Variants in TENM2 observed in about 807,000 individuals in gnomAD.
The protein encoded by TENM2 is teneurin-2.
In TENM2, 52 loss-of-function variants were observed where a neutral mutation model predicts 245.2. The observed-to-expected ratio is 0.21, with a 90% CI of 0.17 to 0.27. TENM2 has a LOEUF of 0.27. Ranked by LOEUF, TENM2 falls within the 10% of genes least tolerant of loss-of-function variation. The probability of loss-of-function intolerance (pLI) is 1.00; values close to 1 mark genes in which losing one functional copy is unlikely to be tolerated. For missense variants in TENM2, 3,046 were observed against 3,666.8 expected (o/e 0.83, Z 4.37); for synonymous variants, 1,363 against 1,438.9 (o/e 0.95, Z 1.19).
intron 2 of TENM2, among the ~76,000 whole-genome samples, chr5:167,448,390 C>G (rs1010995113): frequency 1.6e-4 from 24 of 151,702 alleles, no homozygotes; most frequent in African/African-American, 2.4e-5. Flanking sequence ...AAGCAATAAG[C>G]GTCTGTCTGT....
At chr5:167,609,531 G>GT (rs1167363034) in intron 2 of TENM2, among the ~76,000 whole-genome samples, 1 of 128,196 alleles carries the variant, frequency 7.8e-6, no homozygotes, top group Non-Finnish European at 1.6e-5. Context: ...TACCTAGAAG[G>GT]TTTTTTAGAA....
chr5:167,871,814 C>A (rs1772851285), intron 2 of TENM2, among the ~76,000 whole-genome samples: 1 of 152,120 alleles, frequency 6.6e-6, no homozygotes, highest in Non-Finnish European at 1.5e-5. Flanking sequence ...GTTACCTGCC[C>A]ATGCCACACT....
chr5:167,844,321 A>G (rs1057345638), intron 2 of TENM2, among the ~76,000 whole-genome samples: 3 of 152,244 alleles, frequency 2.0e-5, no homozygotes, highest in African/African-American at 7.2e-5. Context: ...AAAAATGGCA[A>G]TCAGCACCAA....
the TENM2 span, among the ~76,000 whole-genome samples, chr5:167,249,180 C>A: frequency 3.3e-5 from 5 of 152,172 alleles, no homozygotes; most frequent in Non-Finnish European, 5.9e-5. Context: ...AAATATATAG[C>A]CCCTTCATCC....
At chr5:168,231,232 C>CAAAG (rs1764865069) in intron 25 of TENM2, among the ~76,000 whole-genome samples, 1 of 150,972 alleles carries the variant, frequency 6.6e-6, no homozygotes, top group African/African-American at 2.4e-5. Flanking sequence ...AGAAGATGAA[C>CAAAG]AAAGACTTGG....
chr5:167,612,386 C>T (rs1057100002), intron 2 of TENM2, among the ~76,000 whole-genome samples: 4 of 151,944 alleles, frequency 2.6e-5, no homozygotes, highest in African/African-American at 7.3e-5. Flanking sequence ...ATTTAATTTT[C>T]GTAAGTTACA....
chr5:167,269,182 C>G, the TENM2 span, among the ~76,000 whole-genome samples: 1 of 152,000 alleles, frequency 6.6e-6, no homozygotes, highest in Admixed American at 6.6e-5. Context: ...TAACAACAGA[C>G]CTGAAAGATA....
At chr5:168,246,660 G>T in intron 26 of TENM2, 97 bp from the exon 29 acceptor site, 1 of 1,201,744 alleles carries the variant, frequency 8.3e-7, no homozygotes, top group South Asian at 1.4e-5. Context: ...CATGACTTTT[G>T]AGTTGACATT....
chr5:168,035,103 A>G (rs1257057074), intron 5 of TENM2, among the ~76,000 whole-genome samples: 1 of 152,254 alleles, frequency 6.6e-6, no homozygotes, highest in African/African-American at 2.4e-5. Flanking sequence ...TTACTGTCTC[A>G]TTAAAGATTT....
the TENM2 span, among the ~76,000 whole-genome samples, chr5:167,097,264 A>G: frequency 6.6e-6 from 1 of 152,080 alleles, no homozygotes; most frequent in African/African-American, 2.4e-5. Context: ...AAAATTCAGG[A>G]TGTTATTTAC....
At chr5:167,883,843 C>T (rs1336597594) in intron 3 of TENM2, among the ~76,000 whole-genome samples, 1 of 152,206 alleles carries the variant, frequency 6.6e-6, no homozygotes, top group Non-Finnish European at 1.5e-5. Flanking sequence ...TGTCCCCAGT[C>T]CCTTGTTAGG....
chr5:167,651,024 G>A (rs1028595717), intron 2 of TENM2, among the ~76,000 whole-genome samples: 3 of 152,008 alleles, frequency 2.0e-5, no homozygotes, highest in Admixed American at 6.6e-5. Context: ...GAGGAGAACA[G>A]GAACCAATAT....
chr5:167,159,530 T>A, the TENM2 span, among the ~76,000 whole-genome samples: 385 of 152,234 alleles, frequency 2.5e-3, 1 homozygote, highest in African/African-American at 8.9e-3. Context: ...TTAGCTAGAT[T>A]TAAGCATTTC....
chr5:167,855,486 G>A (rs565367393), intron 2 of TENM2, among the ~76,000 whole-genome samples: 2 of 151,838 alleles, frequency 1.3e-5, no homozygotes. Context: ...TTAATTTGCT[G>A]TTGTTTTTGC....
At chr5:167,013,379 C>T in the TENM2 span, among the ~76,000 whole-genome samples, 41 of 152,288 alleles carry the variant, frequency 2.7e-4, no homozygotes, top group East Asian at 7.7e-3. Flanking sequence ...CATACCTTTT[C>T]CACCTTTTCT....
chr5:167,795,634 A>G (rs895123278), intron 2 of TENM2, among the ~76,000 whole-genome samples: 2 of 152,320 alleles, frequency 1.3e-5, no homozygotes, highest in Admixed American at 6.5e-5. Flanking sequence ...AGAAGCCACA[A>G]GAAGCACCAG....
chr5:168,178,375 GCAAGCATTTGGGGAAATCAGAGGC>G (rs1456465101), intron 13 of TENM2, among the ~76,000 whole-genome samples: 1 of 152,188 alleles, frequency 6.6e-6, no homozygotes, highest in Non-Finnish European at 1.5e-5. Flanking sequence ...CAGGCAGAGG[GCAAGCATTTGGGGAAATCAGAGGC>G]CAAGAGCAGA....
intron 2 of TENM2, among the ~76,000 whole-genome samples, chr5:167,683,562 A>T (rs904378913): frequency 2.6e-5 from 4 of 152,216 alleles, no homozygotes; most frequent in African/African-American, 9.6e-5. Context: ...GGGAGAATAA[A>T]CATAGGCAGC....
chr5:168,120,126 A>G lies in TENM2; in HGVS notation c.2008+1640A>G, dbSNP rs1795367282. Among the ~76,000 whole-genome samples the G allele has an allele frequency of 2.6e-5, 4 of 152,310 alleles. No homozygotes were observed. The South Asian group carries it at 8.3e-4, about 32-fold the overall frequency. On this transcript the variant is annotated intron_variant, in intron 10 of 28. Coordinates refer to ENST00000518659, the Ensembl canonical transcript of TENM2. ...CATCGTTTTTAGAACTATGGCTACCAAAAGTCAGCTTCCATAACATTATTC... is the reference window on the plus strand; with the variant it reads ...CATCGTTTTTAGAACTATGGCTACCGAAAGTCAGCTTCCATAACATTATTC...
Sources: allele counts gnomAD v4.1 joint callset (sites outside exome capture counted in the v4.1 genomes callset), GRCh38; gene constraint gnomAD v4.1.1; transcripts MANE v1.5; gene names NCBI Gene and HGNC (gene_info 2026-07-23, HGNC 2026-07-21).